ZFHX4: variants seen among roughly 807,000 people sequenced by gnomAD.
The protein encoded by ZFHX4 is zinc finger homeobox 4.
Under a neutral mutation model 267.6 loss-of-function variants are expected in ZFHX4, and 56 were observed. The observed-to-expected ratio is 0.21, with a 90% CI of 0.17 to 0.26. ZFHX4 has a LOEUF of 0.26. Ranked by LOEUF, ZFHX4 falls within the 10% of genes least tolerant of loss-of-function variation. The probability of loss-of-function intolerance (pLI) is 1.00; values close to 1 mark genes in which losing one functional copy is unlikely to be tolerated. For synonymous variants in ZFHX4, 1,778 were observed against 1,665.6 expected, an observed-to-expected ratio of 1.07 and a Z score of -1.64; for missense variants, 4,332 against 4,420.0, an observed-to-expected ratio of 0.98 and a Z score of 0.56.
At chr8:76,703,951 C>A in intron 1 of ZFHX4, 92 bp from the exon 2 acceptor site, 2 of 909,004 alleles carry the variant, frequency 2.2e-6, no homozygotes, top group Non-Finnish European at 3.3e-6. Context: ...TAGATAGTCA[C>A]GTTTACAGCA....
chr8:76,806,179 T>C (rs948227985), intron 4 of ZFHX4, among the ~76,000 whole-genome samples: 3 of 152,144 alleles, frequency 2.0e-5, no homozygotes, highest in Admixed American at 2.0e-4. Context: ...TCTATCACTG[T>C]TAAATTACAA....
intron 10 of ZFHX4, among the ~76,000 whole-genome samples, chr8:76,861,784 A>G (rs940594171): frequency 7.9e-5 from 12 of 151,746 alleles, no homozygotes; most frequent in African/African-American, 2.2e-4. Context: ...TTTAACACTC[A>G]CATGTTGCAT....
At chr8:76,777,382 A>T (rs1810426481) in intron 3 of ZFHX4, among the ~76,000 whole-genome samples, 2 of 152,124 alleles carry the variant, frequency 1.3e-5, no homozygotes, top group Admixed American at 1.3e-4. Context: ...TTTTAGCAAA[A>T]ATTTGTTGTG....
intron 4 of ZFHX4, among the ~76,000 whole-genome samples, chr8:76,819,854 C>T (rs1321425294): frequency 6.6e-6 from 1 of 152,124 alleles, no homozygotes; most frequent in African/African-American, 2.4e-5. Flanking sequence ...TATTTTCAAC[C>T]CTTGCAAGCA....
chr8:76,854,162 A>G lies in ZFHX4; in HGVS notation c.7241A>G (p.Lys2414Arg). The G allele has an allele frequency of 6.2e-7, 1 of 1,600,470 alleles. No individual in the cohort carries two copies. The highest frequency in any genetic ancestry group is 8.5e-7 in the Non-Finnish European group (1 of 1,173,246). ...CCTGAATATCCCGCAGAAAAGCCAAAGCAGAGTGACCCCTCTCCCCCTTCT... is the reference window on the plus strand; with the variant it reads ...CCTGAATATCCCGCAGAAAAGCCAAGGCAGAGTGACCCCTCTCCCCCTTCT... ...PKPEYPAEKP[K>R]QSDPSPPSQG... The change falls in exon 10 of 11, where the codon AAG (lysine) becomes AGG (arginine). Residue 2414 changes from lysine (K) to arginine (R), a missense_variant. Lys to Arg is a conservative substitution (Grantham distance 26). Transcript: ENST00000651372.
At chr8:76,863,040 T>C in intron 10 of ZFHX4, 54 bp from the exon 11 acceptor site, 1 of 1,455,846 alleles carries the variant, frequency 6.9e-7, no homozygotes, top group Admixed American at 2.8e-5. Context: ...GCATACAGCC[T>C]TCCGATGTTG....
At chr8:76,757,881 C>T (rs953412272) in intron 3 of ZFHX4, among the ~76,000 whole-genome samples, 8 of 152,148 alleles carry the variant, frequency 5.3e-5, no homozygotes, top group South Asian at 4.1e-4. Context: ...CATACGGCAG[C>T]CCTGAGCCAG....
chr8:76,704,569 T>C lies in ZFHX4; in HGVS notation c.481T>C (p.Phe161Leu). ...NAQTGANSKL[F>L]STAMFLDSLA... ...ACAGACTGGGGCAAATAGCAAACTC[T>C]TTTCTACAGCGATGTTCCTGGACTC... Residue 161 changes from phenylalanine to leucine, a missense_variant, in exon 2 of 11, where the codon TTT (phenylalanine) becomes CTT (leucine). Phe to Leu is a conservative substitution (Grantham distance 22). Coordinates refer to ENST00000651372, the MANE Select transcript of ZFHX4 (RefSeq NM_024721.5). 4 of 1,613,914 alleles carry C rather than the reference T, an allele frequency of 2.5e-6. No individual in the cohort carries two copies. The highest frequency in any genetic ancestry group is 3.4e-6 in the Non-Finnish European group (4 of 1,179,852).
chr8:76,785,747 G>C (rs185613447), intron 4 of ZFHX4, among the ~76,000 whole-genome samples: 1 of 152,304 alleles, frequency 6.6e-6, no homozygotes, highest in East Asian at 1.9e-4. Context: ...GCCAAGTGAG[G>C]TGGAGAATTG....
At position 76,800,357 on chromosome 8, in the gene ZFHX4, A is replaced by G. The variant is rs531294198; in HGVS notation, c.3325+21918A>G. ...CCTATGGGTCAAGTGCTGCATTTGC[A>G]TTTTGATGGGATGTTATCAAGTAAT... is the stretch of plus-strand genomic sequence containing the variant. On this transcript the variant is annotated intron_variant, in intron 4 of 10. Coordinates refer to ENST00000651372, the MANE Select transcript of ZFHX4 (RefSeq NM_024721.5). 2.0e-5 allele frequency among the ~76,000 whole-genome samples: 3 copies of G among 152,312 alleles called. No individual in the cohort carries two copies. The East Asian group carries it at 5.8e-4, about 29-fold the overall frequency.
intron 4 of ZFHX4, among the ~76,000 whole-genome samples, chr8:76,814,122 AG>A (rs898678153): frequency 3.3e-5 from 5 of 152,110 alleles, no homozygotes; most frequent in Non-Finnish European, 7.4e-5. Flanking sequence ...CCCAAGCTGG[AG>A]TGCAGTGGTG....
At chr8:76,842,844 C>A (rs1050033883) in intron 6 of ZFHX4, 73 bp downstream of exon 6, 23 of 1,020,768 alleles carry the variant, frequency 2.3e-5, no homozygotes, top group Non-Finnish European at 1.9e-5. Flanking sequence ...CCTTCACCAT[C>A]CCCCCACCCC....
intron 1 of ZFHX4, among the ~76,000 whole-genome samples, chr8:76,700,954 T>C (rs1055280156): frequency 2.0e-5 from 3 of 152,134 alleles, no homozygotes; most frequent in African/African-American, 7.2e-5. Context: ...ATTAATTCTA[T>C]GGTTTAAGTT....
intron 4 of ZFHX4, among the ~76,000 whole-genome samples, chr8:76,795,250 A>T (rs1810946049): frequency 6.6e-6 from 1 of 152,150 alleles, no homozygotes; most frequent in African/African-American, 2.4e-5. Flanking sequence ...ACCACAGAAA[A>T]TAATAGCCAT....
rs550915194 is a variant in ZFHX4 at position 76,775,141 on chromosome 8, C to G, written c.3094-3067C>G. On this transcript the variant is annotated intron_variant, in intron 3 of 10. Transcript: ENST00000651372. ...GATAATGATGAGAAAAATGTGAAGA[C>G]AGTTATATTTAAATGCAAAGATCCA... Among the ~76,000 whole-genome samples, 6 of 152,234 alleles carry G rather than the reference C, an allele frequency of 3.9e-5. No individual in the cohort carries two copies. In the East Asian group the frequency reaches 1.2e-3, roughly 29 times the overall value.
chr8:76,767,887 AC>A (rs1810092412), intron 3 of ZFHX4, among the ~76,000 whole-genome samples: 1 of 152,164 alleles, frequency 6.6e-6, no homozygotes, highest in African/African-American at 2.4e-5. Context: ...CCTGTATTGG[AC>A]CCATTATTGG....
intron 4 of ZFHX4, among the ~76,000 whole-genome samples, chr8:76,816,002 G>A (rs1010235329): frequency 1.3e-5 from 2 of 152,182 alleles, no homozygotes; most frequent in African/African-American, 4.8e-5. Flanking sequence ...GCTAGTACCT[G>A]TAATTTGATG....
At chr8:76,849,238 ATTGG>A in intron 7 of ZFHX4, 110 bp downstream of exon 7, 1 of 1,265,306 alleles carries the variant, frequency 7.9e-7, no homozygotes, top group Non-Finnish European at 1.1e-6. Context: ...AGACATTGCA[ATTGG>A]CAATGTAACT....
chr8:76,829,162 T>C (rs558076089), intron 4 of ZFHX4, among the ~76,000 whole-genome samples: 1 of 151,994 alleles, frequency 6.6e-6, no homozygotes. Flanking sequence ...TATCTGAATC[T>C]TATAATTCTC....
Sources: gnomAD v4.1 joint callset for allele counts (sites outside exome capture counted in the v4.1 genomes callset) on GRCh38, gnomAD v4.1.1 for gene constraint, MANE v1.5 for transcripts, NCBI Gene and HGNC (gene_info 2026-07-23, HGNC 2026-07-21) for gene names.